Variants in PDE3A observed in about 807,000 individuals in gnomAD.
The protein encoded by PDE3A is phosphodiesterase 3A.
PDE3A carries 43 observed loss-of-function variants against 98.3 expected under a neutral mutation model. That is an observed-to-expected ratio of 0.44 (90% CI 0.34 to 0.56). The LOEUF is 0.56. Among genes scored for constraint, PDE3A ranks in the 20% least tolerant of loss-of-function variants. The pLI is 0.01. For synonymous variants in PDE3A, 663 were observed against 567.9 expected, an observed-to-expected ratio of 1.17 and a Z score of -2.38; for missense variants, 1,427 against 1,440.7, an observed-to-expected ratio of 0.99 and a Z score of 0.15.
At chr12:20,544,473 A>G (rs1252079625) in intron 1 of PDE3A, among the ~76,000 whole-genome samples, 2 of 151,140 alleles carry the variant, frequency 1.3e-5, no homozygotes, top group Non-Finnish European at 2.9e-5. Context: ...AGGGTGGAAA[A>G]TGGATTCTGG....
chr12:20,435,426 C>A (rs576877981), intron 1 of PDE3A, among the ~76,000 whole-genome samples: 18 of 152,100 alleles, frequency 1.2e-4, no homozygotes, highest in Non-Finnish European at 2.2e-4. Context: ...AAATAGTGAA[C>A]CTGGAACAAC....
chr12:20,618,637 T>C (rs951072984), intron 4 of PDE3A, among the ~76,000 whole-genome samples: 4 of 152,044 alleles, frequency 2.6e-5, no homozygotes, highest in Admixed American at 6.6e-5. Context: ...AGAATCTCTG[T>C]ACCCAATTAC....
intron 1 of PDE3A, among the ~76,000 whole-genome samples, chr12:20,480,327 C>T (rs1161214464): frequency 6.6e-6 from 1 of 152,136 alleles, no homozygotes; most frequent in Non-Finnish European, 1.5e-5. Flanking sequence ...TATTTTTTAG[C>T]TATGTAGCAG....
At chr12:20,649,082 C>T (rs375562135) in intron 13 of PDE3A, among the ~76,000 whole-genome samples, 191 bp downstream of exon 13, 26 of 144,704 alleles carry the variant, frequency 1.8e-4, no homozygotes, top group South Asian at 6.8e-4. Flanking sequence ...CATGCCACCA[C>T]GCCTGCCTAA....
At position 20,504,342 on chromosome 12, in the gene PDE3A, T is replaced by G. The variant is rs191685328; in HGVS notation, c.961-52318T>G. On this transcript the variant is annotated intron_variant, in intron 1 of 15. Transcript: ENST00000359062. ...TTCTTTAATCCTGAATGCTGGAGTC[T>G]GATACATTTTAGACTTTCAGTGAAT... 6.0e-5 allele frequency among the ~76,000 whole-genome samples: 9 copies of G among 150,440 alleles called. No individual in the cohort carries two copies. In the East Asian group the frequency reaches 1.7e-3, roughly 29 times the overall value.
chr12:20,395,729 G>A (rs2120632686), intron 1 of PDE3A, among the ~76,000 whole-genome samples: 1 of 148,460 alleles, frequency 6.7e-6, no homozygotes, highest in South Asian at 2.1e-4. Context: ...CAGTAACATA[G>A]GTATATAACT....
chr12:20,493,794 C>A (rs759841815), intron 1 of PDE3A, among the ~76,000 whole-genome samples: 13 of 152,312 alleles, frequency 8.5e-5, no homozygotes, highest in Non-Finnish European at 1.8e-4. Flanking sequence ...CCAAGCCCAG[C>A]TAATTTTGTA....
chr12:20,503,082 C>G (rs1946051981), intron 1 of PDE3A, among the ~76,000 whole-genome samples: 2 of 152,036 alleles, frequency 1.3e-5, no homozygotes, highest in Admixed American at 6.6e-5. Flanking sequence ...TTGTCATTAT[C>G]ATCATGACCG....
At chr12:20,521,336 T>G (rs2121152134) in intron 1 of PDE3A, among the ~76,000 whole-genome samples, 1 of 152,212 alleles carries the variant, frequency 6.6e-6, no homozygotes, top group African/African-American at 2.4e-5. Context: ...ACATGAATAA[T>G]AAGAGATTTT....
rs1243661698 is a variant in PDE3A, at chr12:20,654,201, T to C, written c.3180T>C (p.Ser1060=). Residue 1060 remains serine, a synonymous_variant, in exon 15 of 16, where the codon TCT becomes TCC. Coordinates refer to ENST00000359062, the MANE Select transcript of PDE3A (RefSeq NM_000921.5). ...AGGAAACCTGTGAAAATAATGAATC[T>C]CCAAGTAAGTTCTAAAACCTAGTTC... The part of the protein sequence containing the change: ...NEEETCENNE[S]PKKKTFKRRK... The C allele has an allele frequency of 6.2e-7, 1 of 1,613,848 alleles. No homozygotes were observed. The highest frequency in any genetic ancestry group is 1.3e-5 in the African/African-American group (1 of 74,876).
chr12:20,676,859 G>T (rs972574393), intron 15 of PDE3A, among the ~76,000 whole-genome samples: 2 of 152,096 alleles, frequency 1.3e-5, no homozygotes, highest in Admixed American at 1.3e-4. Flanking sequence ...AATTTTATTT[G>T]TGTGAGTTTC....
intron 1 of PDE3A, among the ~76,000 whole-genome samples, chr12:20,413,579 G>C (rs1384617192): frequency 3.3e-5 from 5 of 152,186 alleles, no homozygotes; most frequent in African/African-American, 1.2e-4. Flanking sequence ...GTGGAACAGA[G>C]AGCATGGAGA....
chr12:20,503,391 A>G (rs1825604766), intron 1 of PDE3A, among the ~76,000 whole-genome samples: 1 of 152,092 alleles, frequency 6.6e-6, no homozygotes, highest in Non-Finnish European at 1.5e-5. Context: ...GATTTTTGAT[A>G]TAAGAAGGAT....
chr12:20,614,472 C>A (rs1274089111), intron 3 of PDE3A, among the ~76,000 whole-genome samples: 1 of 152,136 alleles, frequency 6.6e-6, no homozygotes, highest in African/African-American at 2.4e-5. Context: ...TCAGTAACAT[C>A]TGTGCTTCTG....
chr12:20,522,994 C>T (rs1946456647), intron 1 of PDE3A, among the ~76,000 whole-genome samples: 1 of 151,434 alleles, frequency 6.6e-6, no homozygotes, highest in Admixed American at 6.6e-5. Context: ...ACTAGTTAGC[C>T]TGAGATCACC....
Position 20,680,301 on chromosome 12 carries a change from C to A in PDE3A, c.*30C>A, listed in dbSNP as rs761131704. ...GGATAGAATGGGCTGTGTTTCCAAACAGATTGACTTGTCAAAGACTCTCTT... is the reference window on the plus strand; with the variant it reads ...GGATAGAATGGGCTGTGTTTCCAAAAAGATTGACTTGTCAAAGACTCTCTT... On this transcript the variant is annotated 3_prime_UTR_variant, in exon 16 of 16. Transcript: ENST00000359062. 1.1e-5 allele frequency: 17 copies of A among 1,609,516 alleles called. No homozygotes were observed. Among genetic ancestry groups the A allele is most frequent in the African/African-American group, 2.7e-5 (2 of 74,714 alleles).
chr12:20,379,637 T>C (rs957010286), intron 1 of PDE3A, among the ~76,000 whole-genome samples: 1 of 151,768 alleles, frequency 6.6e-6, no homozygotes, highest in Non-Finnish European at 1.5e-5. Context: ...GAAAAAGAAA[T>C]AAAAGACTTT....
chr12:20,555,131 C>T (rs1433777516), intron 1 of PDE3A, among the ~76,000 whole-genome samples: 1 of 151,986 alleles, frequency 6.6e-6, no homozygotes, highest in African/African-American at 2.4e-5. Flanking sequence ...TCAAGCAATT[C>T]CCCCGCCTCA....
Position 20,463,641 on chromosome 12 carries a change from T to C in PDE3A, c.961-93019T>C, listed in dbSNP as rs561702291. 1.3e-4 allele frequency among the ~76,000 whole-genome samples: 20 copies of C among 152,322 alleles called. No homozygotes were observed. The South Asian group carries it at 3.1e-3, about 24-fold the overall frequency. On this transcript the variant is annotated intron_variant, in intron 1 of 15. Coordinates refer to ENST00000359062, the MANE Select transcript of PDE3A (RefSeq NM_000921.5). ...ATAGCTGCAAATAGAAAATATATTT[T>C]CTGAAAGATTAGTGAATCTGCTCTT...
Sources: gnomAD v4.1 joint callset for allele counts (sites outside exome capture counted in the v4.1 genomes callset) on GRCh38, gnomAD v4.1.1 for gene constraint, MANE v1.5 for transcripts, NCBI Gene and HGNC (gene_info 2026-07-23, HGNC 2026-07-21) for gene names.